The following ZMAT1 variants were observed in gnomAD, a reference collection of about 807,000 sequenced individuals.
ZMAT1 encodes zinc finger matrin-type 1.
A neutral mutation model predicts 18.5 loss-of-function variants in ZMAT1; 11 were observed. That is an observed-to-expected ratio of 0.59 (90% confidence interval 0.37 to 0.98). ZMAT1 has a LOEUF of 0.98. ZMAT1 is among the 50% of genes least tolerant of loss of function. ZMAT1 has a pLI of 0.01. For missense variants in ZMAT1, 525 were observed against 496.2 expected, an observed-to-expected ratio of 1.06 and a Z score of -0.55; for synonymous variants, 211 against 176.4, an observed-to-expected ratio of 1.20 and a Z score of -1.55.
intron 2 of ZMAT1, among the ~76,000 whole-genome samples, chrX:101,902,723 TTCAAAG>T (rs1928330799): frequency 8.9e-6 from 1 of 111,838 alleles, no homozygotes; most frequent in Admixed American, 9.5e-5. Flanking sequence ...GAAGTAAATC[TTCAAAG>T]TTTTAGAAGA....
rs776379207 is a variant in ZMAT1, at chrX:101,898,032, T to C, written c.512A>G (p.Tyr171Cys). The C allele has an allele frequency of 1.1e-5, 13 of 1,211,386 alleles. No homozygotes were observed. In the South Asian group the frequency reaches 1.8e-4, roughly 16 times the overall value. The change falls in exon 4 of 6, where the codon TAT (tyrosine) becomes TGT (cysteine). Residue 171 changes from tyrosine to cysteine, a missense_variant. Tyr to Cys is a radical substitution (Grantham distance 194). Coordinates refer to ENST00000651725, the MANE Select transcript of ZMAT1 (RefSeq NM_001394560.1). ...AAATTTGTTTTTGTCCACTCCTTCA[T>C]ACCTATGCACCTGAAATAGGCACAA... ...MHVENFQVHR[Y>C]EGVDKNKFCD...
At chrX:101,913,892 T>A (rs1929124937) in intron 1 of ZMAT1, among the ~76,000 whole-genome samples, 1 of 112,065 alleles carries the variant, frequency 8.9e-6, no homozygotes, top group Non-Finnish European at 1.9e-5. Flanking sequence ...AGAATACACA[T>A]TCTTTTCCTT....
At chrX:101,921,900 T>C (rs1195430972) in intron 1 of ZMAT1, among the ~76,000 whole-genome samples, 2 of 111,671 alleles carry the variant, frequency 1.8e-5, no homozygotes, top group Non-Finnish European at 3.8e-5. Flanking sequence ...TATCATACTG[T>C]TGACTCATGC....
rs942839352 is a variant in ZMAT1 at position 101,886,661 on chromosome X, G to T, written c.747C>A (p.Ser249=). Residue 249 remains serine, a synonymous_variant, in exon 5 of 6, where the codon TCC becomes TCA. Transcript: ENST00000651725. ...TTTGATGTTCACTTCCTTGCATGTG[G>T]GACCGGAACATATCTAAAGATGTAA... ...IAFTSLDMFR[S]HMQGSEHQIK... The T allele has an allele frequency of 1.7e-6, 2 of 1,203,270 alleles. No individual in the cohort carries two copies. Among genetic ancestry groups the T allele is most frequent in the Non-Finnish European group, 2.2e-6 (2 of 892,027 alleles).
At chrX:101,891,785 A>T (rs1286842258) in intron 4 of ZMAT1, among the ~76,000 whole-genome samples, 1 of 111,605 alleles carries the variant, frequency 9.0e-6, no homozygotes, top group Non-Finnish European at 1.9e-5. Flanking sequence ...TGCCACTGTG[A>T]GTAGTAGTTA....
intron 1 of ZMAT1, 195 bp downstream of exon 1, chrX:101,931,522 G>T: frequency 4.0e-6 from 3 of 746,295 alleles, no homozygotes; most frequent in Non-Finnish European, 3.2e-6. Flanking sequence ...GGTAGGGAAG[G>T]CCCTCTCTGC....
chrX:101,891,042 T>C (rs1927353602), intron 4 of ZMAT1, among the ~76,000 whole-genome samples: 2 of 111,109 alleles, frequency 1.8e-5, no homozygotes. Context: ...GGTTGGTCAA[T>C]TGTGTGTTTT....
intron 1 of ZMAT1, among the ~76,000 whole-genome samples, chrX:101,929,633 AAG>A (rs1569444216): frequency 9.1e-6 from 1 of 110,011 alleles, no homozygotes; most frequent in Admixed American, 9.8e-5. Flanking sequence ...ATGAAATGGT[AAG>A]AGAGAATTTT....
At chrX:101,906,052 G>C (rs1289397043) in intron 1 of ZMAT1, among the ~76,000 whole-genome samples, 1 of 110,902 alleles carries the variant, frequency 9.0e-6, no homozygotes, top group Non-Finnish European at 1.9e-5. Flanking sequence ...CTGTGTGAGA[G>C]AAGGAGAGGG....
intron 1 of ZMAT1, among the ~76,000 whole-genome samples, chrX:101,924,729 C>T (rs758718016): frequency 8.9e-6 from 1 of 112,036 alleles, no homozygotes; most frequent in South Asian, 3.7e-4. Flanking sequence ...AATTGCTTTG[C>T]AATGCTGTGC....
chrX:101,889,808 G>A (rs1253786052), intron 4 of ZMAT1: 1 of 111,816 alleles, frequency 8.9e-6, no homozygotes, highest in African/African-American at 3.2e-5. Flanking sequence ...GGGATGATCT[G>A]TGCAGCAAAA....
chrX:101,918,483 C>CACACACAAA (rs758997318), intron 1 of ZMAT1: 7 of 98,475 alleles, frequency 7.1e-5, no homozygotes, highest in African/African-American at 2.2e-4. Context: ...CACACACACA[C>CACACACAAA]AAAAATTAGC....
intron 1 of ZMAT1, among the ~76,000 whole-genome samples, chrX:101,921,787 T>C (rs1438358912): frequency 7.2e-5 from 8 of 111,713 alleles, no homozygotes; most frequent in Non-Finnish European, 1.9e-5. Flanking sequence ...TCAACCATTT[T>C]AAGTGTACAG....
chrX:101,908,360 A>G (rs184099291), intron 1 of ZMAT1, among the ~76,000 whole-genome samples: 321 of 111,832 alleles, frequency 2.9e-3, no homozygotes, highest in African/African-American at 0.01. Context: ...GCAGAACAGA[A>G]AGCTCTACTG....
chrX:101,931,661 G>C, intron 1 of ZMAT1, 56 bp downstream of exon 1: 1 of 751,963 alleles, frequency 1.3e-6, no homozygotes, highest in Non-Finnish European at 1.6e-6. Context: ...CGGACGGGCT[G>C]AAGAGAGGCA....
At chrX:101,928,595 G>C (rs1213570574) in intron 1 of ZMAT1, among the ~76,000 whole-genome samples, 1 of 112,538 alleles carries the variant, frequency 8.9e-6, no homozygotes. Flanking sequence ...CTGACCTCGC[G>C]ATCTGCCCGC....
In ZMAT1 at chrX:101,895,954, G is replaced by T. The variant is rs562638739; in HGVS notation, c.676+1914C>A. 7.5e-5 allele frequency: 40 copies of T among 536,080 alleles called. No homozygotes were observed. In the South Asian group the frequency reaches 2.8e-3, roughly 38 times the overall value. 44.2% of individuals were successfully genotyped at this position (536,080 alleles called of 1,213,427 possible). A position where few individuals can be genotyped will look rare whatever the true frequency, so the allele number is the denominator to read the frequency against. ...GAACTGCATTTATTGTAAACTACTA[G>T]GGAAATTTATAATTCTCTAAAAACC... On this transcript the variant is annotated intron_variant, in intron 4 of 5. Coordinates refer to ENST00000651725, the MANE Select transcript of ZMAT1 (RefSeq NM_001394560.1).
intron 1 of ZMAT1, among the ~76,000 whole-genome samples, chrX:101,920,222 A>T (rs1349776396): frequency 9.1e-6 from 1 of 109,532 alleles, no homozygotes; most frequent in African/African-American, 3.3e-5. Flanking sequence ...TATTTTTTGT[A>T]GAGACGGGGT....
chrX:101,928,793 C>T (rs183465792), intron 1 of ZMAT1, among the ~76,000 whole-genome samples: 2 of 112,145 alleles, frequency 1.8e-5, no homozygotes, highest in Admixed American at 1.9e-4. Flanking sequence ...GCCAGAAGGT[C>T]TTCCAATCTA....
Sources: gnomAD v4.1 joint callset for allele counts (sites outside exome capture counted in the v4.1 genomes callset) on GRCh38, gnomAD v4.1.1 for gene constraint, MANE v1.5 for transcripts, NCBI Gene and HGNC (gene_info 2026-07-23, HGNC 2026-07-21) for gene names.